GSE1: variants seen among roughly 807,000 people sequenced by gnomAD.
GSE1 encodes genetic suppressor element 1.
Under a neutral mutation model 112.6 loss-of-function variants are expected in GSE1, and 32 were observed. The observed-to-expected ratio is 0.28, with a 90% CI of 0.21 to 0.38. The LOEUF (loss-of-function observed/expected upper bound fraction) is 0.38, where lower values mean the gene tolerates loss of function less well. GSE1 is among the 10% of genes least tolerant of loss of function. The probability of loss-of-function intolerance (pLI) is 1.00; values close to 1 mark genes in which losing one functional copy is unlikely to be tolerated. For synonymous variants in GSE1, 1,115 were observed against 735.6 expected (o/e 1.52, Z -8.35); for missense variants, 2,348 against 1,699.2 (o/e 1.38, Z -6.71).
chr16:85,369,574 C>G (rs1341689188), intron 2 of GSE1, among the ~76,000 whole-genome samples: 4 of 152,170 alleles, frequency 2.6e-5, no homozygotes, highest in African/African-American at 9.7e-5. Context: ...TGCAAGGACC[C>G]TGTGACCCCA....
At chr16:85,584,956 G>C (rs544667003) in intron 1 of GSE1, among the ~76,000 whole-genome samples, 1 of 152,012 alleles carries the variant, frequency 6.6e-6, no homozygotes, top group Non-Finnish European at 1.5e-5. Context: ...CACGTGGCCC[G>C]GGTTGTCACG....
At chr16:85,391,310 T>C (rs1241422376) in intron 2 of GSE1, among the ~76,000 whole-genome samples, 1 of 152,234 alleles carries the variant, frequency 6.6e-6, no homozygotes. Context: ...CTTTTGTCAA[T>C]TGAGTAAACT....
intron 2 of GSE1, among the ~76,000 whole-genome samples, chr16:85,508,521 A>C (rs572237371): frequency 6.6e-6 from 1 of 152,236 alleles, no homozygotes; most frequent in South Asian, 2.1e-4. Context: ...GGCTGCCTGC[A>C]TGGGTGAGAG....
chr16:85,311,030 G>A lies in GSE1; in HGVS notation c.2284-46433G>A, dbSNP rs948656948. On this transcript the variant is annotated intron_variant, in intron 1 of 2. Coordinates refer to the GSE1 transcript ENST00000637419. The surrounding 1 kb of genome is among the most constrained non-coding windows in gnomAD (Gnocchi z 4.2). ...TAAATATAAACCCAGCCGCCTTTCC[G>A]CGGCCGTCAGCAATGGCCATGGCTC... Among the ~76,000 whole-genome samples, 46 of 152,336 alleles carry A rather than the reference G, an allele frequency of 3.0e-4. No individual in the cohort carries two copies. Among genetic ancestry groups the A allele is most frequent in the African/African-American group, 1.0e-3 (42 of 41,586 alleles).
chr16:85,485,562 G>A (rs1029975920), intron 2 of GSE1, among the ~76,000 whole-genome samples: 2 of 152,242 alleles, frequency 1.3e-5, no homozygotes, highest in Admixed American at 6.5e-5. Flanking sequence ...CCCGGCTGCC[G>A]CCGCCGCCGC....
intron 2 of GSE1, among the ~76,000 whole-genome samples, chr16:85,533,938 A>T (rs1274887825): frequency 6.6e-6 from 1 of 152,056 alleles, no homozygotes; most frequent in Admixed American, 6.6e-5. Context: ...CTGTGAGGGG[A>T]CTGCTCACTG....
chr16:85,485,089 C>T (rs915348728), intron 2 of GSE1, among the ~76,000 whole-genome samples: 5 of 152,212 alleles, frequency 3.3e-5, no homozygotes, highest in African/African-American at 9.7e-5. Context: ...GGGCCACTTC[C>T]GCCACCACAG....
At chr16:85,628,445 G>A (rs1467507496) in intron 1 of GSE1, among the ~76,000 whole-genome samples, 2 of 152,184 alleles carry the variant, frequency 1.3e-5, no homozygotes, top group Non-Finnish European at 2.9e-5. Flanking sequence ...GCCGGGGTAG[G>A]GAGGTTGCTG....
chr16:85,629,277 C>T (rs2049344189), intron 1 of GSE1, among the ~76,000 whole-genome samples: 1 of 152,246 alleles, frequency 6.6e-6, no homozygotes, highest in Non-Finnish European at 1.5e-5. Context: ...TTCAGCCACC[C>T]AGCCCGTGCC....
chr16:85,212,199 A>G (rs1337721068), intron 1 of GSE1, among the ~76,000 whole-genome samples: 3 of 152,230 alleles, frequency 2.0e-5, no homozygotes, highest in Non-Finnish European at 2.9e-5. Context: ...TGAGGTCAGG[A>G]GATCGAGACC....
At chr16:85,188,514 T>C (rs2074755770) in intron 1 of GSE1, among the ~76,000 whole-genome samples, 1 of 152,016 alleles carries the variant, frequency 6.6e-6, no homozygotes, top group East Asian at 1.9e-4. Context: ...GGTCAGGTTA[T>C]GGGAAAGAGC....
intron 1 of GSE1, among the ~76,000 whole-genome samples, chr16:85,192,696 C>T (rs1265173372): frequency 5.3e-5 from 8 of 152,166 alleles, no homozygotes; most frequent in African/African-American, 9.7e-5. Flanking sequence ...CTGGCCTCCT[C>T]GCCAGCTTCA....
At chr16:85,300,634 G>A (rs943759029) in intron 1 of GSE1, among the ~76,000 whole-genome samples, 2 of 152,164 alleles carry the variant, frequency 1.3e-5, no homozygotes, top group African/African-American at 2.4e-5. Flanking sequence ...TTCCTCTCTC[G>A]CCGAGGAATA....
intron 1 of GSE1, among the ~76,000 whole-genome samples, chr16:85,570,814 G>A (rs1211754586): frequency 3.3e-5 from 5 of 152,212 alleles, no homozygotes; most frequent in Non-Finnish European, 7.3e-5. Flanking sequence ...GGATTCTCTC[G>A]AAGACCCTGC....
chr16:85,584,180 G>GACC (rs2046580296), intron 1 of GSE1, among the ~76,000 whole-genome samples: 1 of 106,954 alleles, frequency 9.3e-6, no homozygotes, highest in Non-Finnish European at 1.8e-5. Context: ...TCTGTTTGGA[G>GACC]ACCTTCCTCC....
intron 1 of GSE1, among the ~76,000 whole-genome samples, chr16:85,603,811 T>C (rs750582553): frequency 5.3e-5 from 8 of 152,240 alleles, no homozygotes; most frequent in Non-Finnish European, 8.8e-5. Flanking sequence ...CCAGCCCAGA[T>C]TGGATTGTTT....
In GSE1 at chr16:85,613,380, C is replaced by T; in HGVS notation, c.-12C>T. The T allele has an allele frequency of 1.3e-6, 2 of 1,568,326 alleles. No homozygotes were observed. The highest frequency in any genetic ancestry group is 1.7e-6 in the Non-Finnish European group (2 of 1,157,700). The stretch of plus-strand genomic sequence containing the variant: ...GCATGTATCAGCCGAGGTGGAGCTG[C>T]GGGGCCCTGGCATGAAAGGTGAGCG... On this transcript the variant is annotated 5_prime_UTR_variant, in exon 1 of 16. Transcript: ENST00000253458.
chr16:85,550,833 G>A (rs1206454581), intron 2 of GSE1, among the ~76,000 whole-genome samples: 1 of 152,210 alleles, frequency 6.6e-6, no homozygotes, highest in Non-Finnish European at 1.5e-5. Flanking sequence ...TTGGGTGGGG[G>A]GCTGCATCTT....
chr16:85,427,150 C>A (rs8064060), intron 2 of GSE1, among the ~76,000 whole-genome samples: 19 of 151,904 alleles, frequency 1.3e-4, no homozygotes, highest in African/African-American at 4.6e-4. Context: ...GGGAGTGGGA[C>A]AGCAGCTGCC....
Sources: allele counts gnomAD v4.1 joint callset (sites outside exome capture counted in the v4.1 genomes callset), GRCh38; gene constraint gnomAD v4.1.1; non-coding constraint Gnocchi (gnomAD v3.1); transcripts MANE v1.5; gene names NCBI Gene and HGNC (gene_info 2026-07-23, HGNC 2026-07-21).